Variants in PTK7 observed in about 807,000 individuals in gnomAD.
The protein encoded by PTK7 is protein tyrosine kinase 7 (inactive), also known as inactive tyrosine-protein kinase 7.
Under a neutral mutation model 116.6 loss-of-function variants are expected in PTK7, and 39 were observed. The ratio of observed to expected loss-of-function variants is 0.33; its 90% CI spans 0.26 to 0.44. The LOEUF is 0.44. Among genes scored for constraint, PTK7 ranks in the 20% least tolerant of loss-of-function variants. The probability of loss-of-function intolerance (pLI) is 1.00; values close to 1 mark genes in which losing one functional copy is unlikely to be tolerated. For synonymous variants in PTK7, 546 were observed against 563.6 expected (o/e 0.97, Z 0.44); for missense variants, 1,169 against 1,425.6 (o/e 0.82, Z 2.90).
intron 1 of PTK7, among the ~76,000 whole-genome samples, chr6:43,116,779 C>G (rs1408714700): frequency 6.6e-6 from 1 of 152,092 alleles, no homozygotes; most frequent in African/African-American, 2.4e-5. Flanking sequence ...CTGGGGCATG[C>G]AGAGGAGAGG....
Position 43,132,536 on chromosome 6 carries a change from G to T in PTK7, c.1077G>T (p.Ala359=), listed in dbSNP as rs61996308. ...LPEPSVWWEH[A]GVRLPTHGRV... The stretch of plus-strand genomic sequence containing the variant: ...AGCCCAGCGTGTGGTGGGAGCACGC[G>T]GGAGTCCGGCTGCCCACCCATGGCA... Residue 359 remains alanine (A), a synonymous_variant, in exon 7 of 20, where the codon GCG becomes GCT. Coordinates refer to ENST00000230419, the MANE Select transcript of PTK7 (RefSeq NM_002821.5). The T allele has an allele frequency of 2.4e-5, 39 of 1,613,398 alleles. No individual in the cohort carries two copies. The highest frequency in any genetic ancestry group is 2.5e-5 in the Non-Finnish European group (30 of 1,179,832).
chr6:43,158,744 A>G, intron 17 of PTK7, 73 bp from the exon 18 acceptor site: 1 of 1,501,340 alleles, frequency 6.7e-7, no homozygotes, highest in Non-Finnish European at 9.1e-7. Context: ...AAACGCTACC[A>G]AGGGTTGTGT....
At chr6:43,081,487 C>T (rs549019724) in intron 1 of PTK7, among the ~76,000 whole-genome samples, 2 of 152,178 alleles carry the variant, frequency 1.3e-5, no homozygotes, top group African/African-American at 4.8e-5. Context: ...TCACTGCAAC[C>T]TCTACCTCCC....
At chr6:43,116,656 G>GCA (rs1561954421) in intron 1 of PTK7, among the ~76,000 whole-genome samples, 6 of 127,724 alleles carry the variant, frequency 4.7e-5, no homozygotes, top group Non-Finnish European at 8.7e-5. Flanking sequence ...GTGTGTGCGC[G>GCA]CGCACGCACG....
Position 43,139,172 on chromosome 6 carries a change from C to T in PTK7, c.1399C>T (p.Arg467Cys), listed in dbSNP as rs368272694. 2.5e-6 allele frequency: 4 copies of T among 1,614,204 alleles called. No individual in the cohort carries two copies. The highest frequency in any genetic ancestry group is 2.2e-5 in the East Asian group (1 of 44,886). Residue 467 changes from arginine to cysteine, a missense_variant, in exon 9 of 20, where the codon CGC (arginine) becomes TGC (cysteine). Around this residue, in one of 3 missense-constraint regions of PTK7, gnomAD observed 678 missense variants for 853.8 expected, o/e 0.79. Coordinates refer to ENST00000230419, the MANE Select transcript of PTK7 (RefSeq NM_002821.5). This position sits in a 1 kb window ranked among gnomAD's most constrained non-coding sequence, Gnocchi z 4.6. Reference sequence around the variant, plus strand: ...CGAGGTCTTCAAGAATGGGACCTTGCGCATCAACAGCGTGGAGGTGTATGA... The same window carrying T: ...CGAGGTCTTCAAGAATGGGACCTTGTGCATCAACAGCGTGGAGGTGTATGA... ...RFEVFKNGTL[R>C]INSVEVYDGT...
At chr6:43,124,202 T>C (rs1769139661) in intron 1 of PTK7, among the ~76,000 whole-genome samples, 1 of 152,178 alleles carries the variant, frequency 6.6e-6, no homozygotes, top group Admixed American at 6.5e-5. Context: ...TGCTGGTGAC[T>C]ACATCACCTT....
intron 1 of PTK7, chr6:43,077,133 G>A (rs1561926024): frequency 8.4e-6 from 8 of 951,748 alleles, no homozygotes; most frequent in Non-Finnish European, 9.8e-6. Flanking sequence ...CCCTGCGGGT[G>A]AGGGCGGAAG....
At chr6:43,135,992 A>G (rs1770013484) in intron 7 of PTK7, among the ~76,000 whole-genome samples, 1 of 152,182 alleles carries the variant, frequency 6.6e-6, no homozygotes, top group African/African-American at 2.4e-5. Flanking sequence ...ATTCGAGACC[A>G]GCCTGACCAA....
intron 1 of PTK7, among the ~76,000 whole-genome samples, chr6:43,128,424 T>A (rs925748067): frequency 1.3e-5 from 2 of 152,228 alleles, no homozygotes; most frequent in Non-Finnish European, 2.9e-5. Context: ...GCCCCTCTAG[T>A]CTTCAGACCT....
intron 1 of PTK7, among the ~76,000 whole-genome samples, chr6:43,121,691 C>T (rs3805931): frequency 0.32 from 48,176 of 152,086 alleles, 7,877 homozygotes; most frequent in Middle Eastern, 0.41. Context: ...ATACAGTGTA[C>T]TGGTGGTAGT....
At chr6:43,082,132 A>G (rs1299745922) in intron 1 of PTK7, among the ~76,000 whole-genome samples, 3 of 152,208 alleles carry the variant, frequency 2.0e-5, no homozygotes, top group South Asian at 2.1e-4. Context: ...GCCACGTGGC[A>G]TCAGCATTCC....
intron 1 of PTK7, among the ~76,000 whole-genome samples, chr6:43,112,371 T>G (rs1305278860): frequency 6.6e-6 from 1 of 151,720 alleles, no homozygotes; most frequent in African/African-American, 2.4e-5. Context: ...CAGGTTCAAG[T>G]GATTCTCTTG....
At position 43,076,514 on chromosome 6, in the gene PTK7, C is replaced by T; in HGVS notation, c.26C>T (p.Ala9Val). The T allele has an allele frequency of 1.3e-6, 2 of 1,573,588 alleles. No homozygotes were observed. The highest frequency in any genetic ancestry group is 1.7e-6 in the Non-Finnish European group (2 of 1,164,394). The change falls in exon 1 of 20, where the codon GCC becomes GTC. Residue 9 changes from alanine to valine, a missense_variant. Around this residue, in one of 3 missense-constraint regions of PTK7, gnomAD observed 487 missense variants for 549.8 expected, o/e 0.89. Coordinates refer to ENST00000230419, the MANE Select transcript of PTK7 (RefSeq NM_002821.5). This position sits in a 1 kb window ranked among gnomAD's most constrained non-coding sequence, Gnocchi z 5.7. ...ATGGGAGCTGCGCGGGGATCCCCGG[C>T]CAGACCCCGCCGGTTGCCTCTGCTC... MGAARGSP[A>V]RPRRLPLLSV...
At chr6:43,140,845 A>AT (rs958213959) in intron 10 of PTK7, among the ~76,000 whole-genome samples, 4 of 151,838 alleles carry the variant, frequency 2.6e-5, no homozygotes, top group East Asian at 1.9e-4. Context: ...ATTTATTTTT[A>AT]TTTTTTTTGT....
intron 1 of PTK7, among the ~76,000 whole-genome samples, chr6:43,126,926 A>G (rs73736706): frequency 0.031 from 4,776 of 152,290 alleles, 243 homozygotes; most frequent in African/African-American, 0.11. Flanking sequence ...TTCCAGCTCC[A>G]TGACTGGGTT....
intron 7 of PTK7, chr6:43,133,767 A>G (rs1769856725): frequency 6.6e-6 from 1 of 152,190 alleles, no homozygotes. Context: ...ACTTACCTTT[A>G]TGTTACTATT....
intron 7 of PTK7, chr6:43,138,639 G>A (rs1478919978): frequency 1.9e-6 from 1 of 525,328 alleles, no homozygotes; most frequent in Non-Finnish European, 3.2e-6. Context: ...TCCAGCCTGG[G>A]TGACAGAGTG....
chr6:43,099,429 A>G (rs1047278963), intron 1 of PTK7, among the ~76,000 whole-genome samples: 1 of 152,032 alleles, frequency 6.6e-6, no homozygotes, highest in Non-Finnish European at 1.5e-5. Flanking sequence ...GAGTCAGGGT[A>G]TCACCATGTT....
At chr6:43,127,361 T>C (rs990942324) in intron 1 of PTK7, among the ~76,000 whole-genome samples, 1 of 152,222 alleles carries the variant, frequency 6.6e-6, no homozygotes. Flanking sequence ...AAGTCCAGTG[T>C]GTTGCTCCTG....
Sources: allele counts gnomAD v4.1 joint callset (sites outside exome capture counted in the v4.1 genomes callset), GRCh38; gene constraint gnomAD v4.1.1; regional missense constraint gnomAD v4.1.1; non-coding constraint Gnocchi (gnomAD v3.1); transcripts MANE v1.5; gene names NCBI Gene and HGNC (gene_info 2026-07-23, HGNC 2026-07-21).